The following DMD variants were observed in gnomAD, a reference collection of about 807,000 sequenced individuals.
The protein encoded by DMD is mutant dystrophin.
A neutral mutation model predicts 330.1 loss-of-function variants in DMD; 63 were observed. That is an observed-to-expected ratio of 0.19 (90% CI 0.16 to 0.24). The LOEUF is 0.24. Ranked by LOEUF, DMD falls within the 10% of genes least tolerant of loss-of-function variation. The pLI is 1.00. For missense variants in DMD, 3,344 were observed against 2,684.1 expected (o/e 1.25, Z -5.43); for synonymous variants, 1,223 against 959.8 (o/e 1.27, Z -5.07).
chrX:32,879,018 C>CAAAAAAAAAAAAAA (rs1201402428), intron 2 of DMD, among the ~76,000 whole-genome samples: 5 of 95,330 alleles, frequency 5.2e-5, no homozygotes, highest in African/African-American at 1.9e-4. Flanking sequence ...AAAAAAAAAA[C>CAAAAAAAAAAAAAA]AAAAAACAAA....
In DMD at chrX:32,336,043, TGTATATATAACGTTATATATAAC is replaced by T. The variant is rs2097712502; in HGVS notation, c.5922+6034_5922+6056del. Among the ~76,000 whole-genome samples, 4 of 102,801 alleles carry T rather than the reference TGTATATATAACGTTATATATAAC, an allele frequency of 3.9e-5. No individual in the cohort carries two copies. In the South Asian group the frequency reaches 1.8e-3, roughly 46 times the overall value. 89.3% of individuals were successfully genotyped at this position (102,801 alleles called of 115,157 possible). A position where few individuals can be genotyped will look rare whatever the true frequency, so the allele number is the denominator to read the frequency against. Reference sequence around the variant, plus strand: ...TGTATATATAACGTTATATATAACGTGTATATATAACGTTATATATAACGTGTGTATAACATGTTATATATAAC... The same window carrying T: ...TGTATATATAACGTTATATATAACGTGTGTGTATAACATGTTATATATAAC... On this transcript the variant is annotated intron_variant, in intron 41 of 78. Coordinates refer to ENST00000357033, the MANE Select transcript of DMD (RefSeq NM_004006.3).
At chrX:32,422,909 A>C (rs1042796139) in intron 29 of DMD, among the ~76,000 whole-genome samples, 14 of 111,709 alleles carry the variant, frequency 1.3e-4, no homozygotes, top group African/African-American at 4.5e-4. Context: ...GGTAAAACGT[A>C]AGATGAAAGA....
intron 77 of DMD, among the ~76,000 whole-genome samples, chrX:31,133,491 C>T (rs955294830): frequency 8.9e-6 from 1 of 111,732 alleles, no homozygotes; most frequent in African/African-American, 3.3e-5. Context: ...GGGTAAAATA[C>T]GCAAGGCCAA....
intron 55 of DMD, among the ~76,000 whole-genome samples, chrX:31,563,551 T>TG (rs2075311695): frequency 1.8e-5 from 2 of 112,206 alleles, no homozygotes; most frequent in Non-Finnish European, 3.8e-5. Flanking sequence ...CTGAGATACT[T>TG]GCGATTATTT....
chrX:32,778,137 T>C (rs1347467590), intron 7 of DMD, among the ~76,000 whole-genome samples: 1 of 110,508 alleles, frequency 9.0e-6, no homozygotes, highest in Non-Finnish European at 1.9e-5. Flanking sequence ...TGTGTGTTGA[T>C]GTAATTGTCC....
At chrX:31,838,213 C>G (rs1224028690) in intron 48 of DMD, among the ~76,000 whole-genome samples, 1 of 111,191 alleles carries the variant, frequency 9.0e-6, no homozygotes, top group Non-Finnish European at 1.9e-5. Flanking sequence ...CCTTGAATAC[C>G]GCATTTGCAA....
rs187942703 is a variant in DMD, at chrX:33,249,353, G to A, written c.7+89906C>T. 3.2e-3 allele frequency among the ~76,000 whole-genome samples: 352 copies of A among 110,512 alleles called. 1 individual carries two copies. The highest frequency in any genetic ancestry group is 0.011 in the African/African-American group (325 of 30,444). Reference sequence around the variant, plus strand: ...TTCAGTAGAGACCGGGTTTCACCACGTTGGCCAGGCTGGTCTCGAACTCCT... The same window carrying A: ...TTCAGTAGAGACCGGGTTTCACCACATTGGCCAGGCTGGTCTCGAACTCCT... On this transcript the variant is annotated intron_variant, in intron 1 of 17. Transcript: ENST00000288447.
At position 31,871,516 on chromosome X, in the gene DMD, C is replaced by T. The variant is rs761039005; in HGVS notation, c.7098+3672G>A. 2.1e-3 allele frequency among the ~76,000 whole-genome samples: 227 copies of T among 110,529 alleles called. 2 individuals are homozygous for T. The highest frequency in any genetic ancestry group is 6.3e-3 in the African/African-American group (191 of 30,443). Reference sequence around the variant, plus strand: ...TACATATTTTTCTAACAGGTGTGCTCAGAGTTTGACTAGAGAAAACAAACT... The same window carrying T: ...TACATATTTTTCTAACAGGTGTGCTTAGAGTTTGACTAGAGAAAACAAACT... On this transcript the variant is annotated intron_variant, in intron 48 of 78. Coordinates refer to ENST00000357033, the MANE Select transcript of DMD (RefSeq NM_004006.3).
intron 1 of DMD, among the ~76,000 whole-genome samples, chrX:33,148,873 G>A (rs115096263): frequency 1.2e-3 from 134 of 110,823 alleles, no homozygotes; most frequent in African/African-American, 4.3e-3. Flanking sequence ...AGATAGCTGC[G>A]AATTTTTTTG....
chrX:31,220,350 A>T (rs1215727464), intron 64 of DMD, among the ~76,000 whole-genome samples: 2 of 111,007 alleles, frequency 1.8e-5, no homozygotes, highest in African/African-American at 6.6e-5. Flanking sequence ...AACTCACCAC[A>T]CCACTTCCAC....
intron 2 of DMD, among the ~76,000 whole-genome samples, chrX:32,940,001 C>A (rs1426183735): frequency 8.1e-5 from 9 of 111,569 alleles, no homozygotes; most frequent in South Asian, 7.5e-4. Context: ...CCACTAACAT[C>A]ATTTTTCACA....
chrX:33,186,980 C>A (rs1198505178), intron 1 of DMD, among the ~76,000 whole-genome samples: 2 of 111,886 alleles, frequency 1.8e-5, no homozygotes, highest in South Asian at 7.4e-4. Context: ...GCTATGTGAG[C>A]GTTGTAAATT....
intron 47 of DMD, among the ~76,000 whole-genome samples, chrX:31,917,173 C>T (rs2094619870): frequency 9.0e-6 from 1 of 111,580 alleles, no homozygotes; most frequent in Admixed American, 9.5e-5. Context: ...TATGCAAGAG[C>T]CATTGAATCA....
intron 2 of DMD, among the ~76,000 whole-genome samples, chrX:32,856,631 CAG>C (rs770521445): frequency 3.7e-4 from 41 of 111,730 alleles, no homozygotes; most frequent in Non-Finnish European, 1.9e-5. Context: ...CTCATGGAGA[CAG>C]AGAGTAGAAT....
At chrX:31,452,947 G>A (rs1006205112) in intron 59 of DMD, among the ~76,000 whole-genome samples, 4 of 111,516 alleles carry the variant, frequency 3.6e-5, no homozygotes, top group Non-Finnish European at 5.6e-5. Flanking sequence ...CCATACACCC[G>A]GTAAGGGGTC....
At chrX:32,462,014 C>T (rs759271442) in intron 25 of DMD, among the ~76,000 whole-genome samples, 126 of 109,452 alleles carry the variant, frequency 1.2e-3, no homozygotes, top group African/African-American at 4.1e-3. Context: ...GACATTACTT[C>T]TTTTCTATTT....
At chrX:32,175,814 C>T (rs920666741) in intron 44 of DMD, among the ~76,000 whole-genome samples, 8 of 111,394 alleles carry the variant, frequency 7.2e-5, no homozygotes, top group African/African-American at 2.6e-4. Flanking sequence ...TAGATGGCTA[C>T]GTATGTAAAC....
intron 9 of DMD, among the ~76,000 whole-genome samples, chrX:32,650,249 G>T (rs1246158028): frequency 8.9e-6 from 1 of 112,030 alleles, no homozygotes; most frequent in Non-Finnish European, 1.9e-5. Flanking sequence ...CAGCCTTAAA[G>T]TATGATACGA....
intron 6 of DMD, among the ~76,000 whole-genome samples, chrX:32,812,033 T>G: frequency 9.0e-6 from 1 of 111,427 alleles, no homozygotes; most frequent in Middle Eastern, 4.7e-3. Context: ...TGAGTTTGCA[T>G]AAGGTGTTGG....
Sources: allele counts gnomAD v4.1 joint callset (sites outside exome capture counted in the v4.1 genomes callset), GRCh38; gene constraint gnomAD v4.1.1; transcripts MANE v1.5; gene names NCBI Gene and HGNC (gene_info 2026-07-23, HGNC 2026-07-21).